The following B4GALNT3 variants were observed in gnomAD, a reference collection of about 807,000 sequenced individuals.
The protein encoded by B4GALNT3 is beta-1,4-N-acetyl-galactosaminyltransferase 3.
Under a neutral mutation model 120.2 loss-of-function variants are expected in B4GALNT3, and 86 were observed. The observed-to-expected ratio is 0.72, with a 90% confidence interval of 0.60 to 0.86. The LOEUF (loss-of-function observed/expected upper bound fraction) is 0.86. Ranked by LOEUF, B4GALNT3 falls within the 40% of genes least tolerant of loss-of-function variation. B4GALNT3 has a pLI of 0.00. For missense variants in B4GALNT3, 1,167 were observed against 1,298.9 expected (o/e 0.90, Z 1.56); for synonymous variants, 518 against 510.4 (o/e 1.01, Z -0.20).
chr12:460,963 T>C lies in B4GALNT3; in HGVS notation c.169+418T>C, dbSNP rs945887481. 6.6e-6 allele frequency among the ~76,000 whole-genome samples: 1 copy of C among 152,112 alleles called. No homozygotes were observed. Among genetic ancestry groups the C allele is most frequent in the Admixed American group, 6.5e-5 (1 of 15,286 alleles). ...TTCGGGTGCGGGATGCCCTCGGCCGTCCACACCCAGGCGCGCGCTCCAGTC... is the reference window on the plus strand; with the variant it reads ...TTCGGGTGCGGGATGCCCTCGGCCGCCCACACCCAGGCGCGCGCTCCAGTC... On this transcript the variant is annotated intron_variant, in intron 1 of 19. Coordinates refer to ENST00000266383, the MANE Select transcript of B4GALNT3 (RefSeq NM_173593.4). This position sits in a 1 kb window ranked among gnomAD's most constrained non-coding sequence, Gnocchi z 8.0.
chr12:478,578 T>C (rs1173495748), intron 1 of B4GALNT3, among the ~76,000 whole-genome samples: 1 of 152,212 alleles, frequency 6.6e-6, no homozygotes, highest in Non-Finnish European at 1.5e-5. Context: ...TTCTGGGATA[T>C]AGAAATTGGT....
chr12:501,881 C>T (rs190619258), intron 1 of B4GALNT3, among the ~76,000 whole-genome samples: 5 of 152,314 alleles, frequency 3.3e-5, no homozygotes, highest in Admixed American at 1.3e-4. Context: ...CACACAGAAC[C>T]GGTGCAGGCG....
In B4GALNT3 at chr12:559,337, A is replaced by G. The variant is rs1316130043; in HGVS notation, c.2804A>G (p.Lys935Arg). Reference sequence around the variant, plus strand: ...GGGTTCGGGCTGCTTGGCATCTACAAGTCTGACCTGGACAGGATTGGGGGC... The same window carrying G: ...GGGTTCGGGCTGCTTGGCATCTACAGGTCTGACCTGGACAGGATTGGGGGC... Reference protein sequence around the residue: ...VNGFGLLGIYKSDLDRIGGMN... With the variant: ...VNGFGLLGIYRSDLDRIGGMN... The change falls in exon 19 of 20, where the codon AAG becomes AGG. Residue 935 changes from lysine to arginine, a missense_variant. By Grantham distance (26) the Lys-to-Arg change is conservative. Around this residue, in one of 3 missense-constraint regions of B4GALNT3, gnomAD observed 983 missense variants for 1,102.5 expected, o/e 0.89. Transcript: ENST00000266383. 1.2e-6 allele frequency: 2 copies of G among 1,614,006 alleles called. No homozygotes were observed. The highest frequency in any genetic ancestry group is 1.1e-5 in the South Asian group (1 of 91,074).
Position 515,965 on chromosome 12 carries a change from A to G in B4GALNT3, c.170-19201A>G, listed in dbSNP as rs12309199. On this transcript the variant is annotated intron_variant, in intron 1 of 19. Transcript: ENST00000266383. ...ATCCTGGCTAACGTGGTGAAACCCC[A>G]TCTCTACTAAAAACACACACACACA... 1.9e-3 allele frequency among the ~76,000 whole-genome samples: 288 copies of G among 148,238 alleles called. 2 individuals carry two copies. Among genetic ancestry groups the G allele is most frequent in the African/African-American group, 6.6e-3 (266 of 40,092 alleles).
intron 1 of B4GALNT3, among the ~76,000 whole-genome samples, chr12:489,415 A>G (rs1055701520): frequency 2.0e-5 from 3 of 152,162 alleles, no homozygotes; most frequent in Non-Finnish European, 4.4e-5. Context: ...GACAATAGTA[A>G]TAAATATGAT....
chr12:535,321 C>T (rs1266298027), intron 2 of B4GALNT3, 52 bp downstream of exon 2: 2 of 1,510,678 alleles, frequency 1.3e-6, no homozygotes, highest in Non-Finnish European at 1.8e-6. Context: ...CAAAGGTCCG[C>T]AGGTGCTCTG....
intron 14 of B4GALNT3, chr12:555,236 C>G: frequency 2.5e-6 from 1 of 395,990 alleles, no homozygotes; most frequent in South Asian, 1.8e-5. Context: ...TGGTTACTTC[C>G]CATTCCTCCT....
intron 1 of B4GALNT3, among the ~76,000 whole-genome samples, chr12:523,733 G>T (rs1263179630): frequency 1.3e-5 from 2 of 152,198 alleles, no homozygotes; most frequent in African/African-American, 2.4e-5. Context: ...ATAAAAATAA[G>T]AATAAACTAA....
At chr12:484,462 C>T (rs1946271652) in intron 1 of B4GALNT3, among the ~76,000 whole-genome samples, 1 of 152,140 alleles carries the variant, frequency 6.6e-6, no homozygotes, top group African/African-American at 2.4e-5. Flanking sequence ...ACTGGAGTAC[C>T]TGAGGAGCTT....
At chr12:559,005 T>C (rs1478250510) in intron 18 of B4GALNT3, among the ~76,000 whole-genome samples, 1 of 151,936 alleles carries the variant, frequency 6.6e-6, no homozygotes, top group Non-Finnish European at 1.5e-5. Flanking sequence ...GAAACGGACA[T>C]GTAAACTGAC....
chr12:557,180 C>T lies in B4GALNT3; in HGVS notation c.2380+314C>T, dbSNP rs116133802. The stretch of plus-strand genomic sequence containing the variant: ...TGGTCTGGGGAAGTAAGACGGGCAG[C>T]GTACTTAATGAAGTGATGAGCAGGG... On this transcript the variant is annotated intron_variant, in intron 15 of 19. Transcript: ENST00000266383. Among the ~76,000 whole-genome samples, 10 of 152,098 alleles carry T rather than the reference C, an allele frequency of 6.6e-5. No homozygotes were observed. The East Asian group carries it at 1.2e-3, about 18-fold the overall frequency.
intron 1 of B4GALNT3, among the ~76,000 whole-genome samples, chr12:511,317 T>C (rs1242185637): frequency 1.1e-4 from 4 of 35,552 alleles, no homozygotes; most frequent in African/African-American, 9.7e-4. Context: ...ACCTTCCGCC[T>C]TCTGCCTTCC....
Position 550,097 on chromosome 12 carries a change from C to T in B4GALNT3, c.997+185C>T, listed in dbSNP as rs140813947. On this transcript the variant is annotated intron_variant, in intron 10 of 19. Coordinates refer to ENST00000266383, the MANE Select transcript of B4GALNT3 (RefSeq NM_173593.4). The surrounding 1 kb of genome is among the most constrained non-coding windows in gnomAD (Gnocchi z 4.1). ...CATGTAAATAAGTATAAAATATTTACGTGTAATTTTACAATTCTGCATATC... is the reference window on the plus strand; with the variant it reads ...CATGTAAATAAGTATAAAATATTTATGTGTAATTTTACAATTCTGCATATC... Among the ~76,000 whole-genome samples the T allele has an allele frequency of 1.3e-5, 2 of 152,320 alleles. No individual in the cohort carries two copies. The highest frequency in any genetic ancestry group is 2.4e-5 in the African/African-American group (1 of 41,544).
At chr12:499,380 G>A (rs868064123) in intron 1 of B4GALNT3, among the ~76,000 whole-genome samples, 20 of 151,012 alleles carry the variant, frequency 1.3e-4, no homozygotes, top group African/African-American at 4.4e-4. Context: ...CGTGGAGCCC[G>A]TGCTCTCACT....
At chr12:501,711 A>G (rs1946446548) in intron 1 of B4GALNT3, among the ~76,000 whole-genome samples, 1 of 152,112 alleles carries the variant, frequency 6.6e-6, no homozygotes. Context: ...ATTGTTAAAT[A>G]CAGATGCCCC....
intron 1 of B4GALNT3, among the ~76,000 whole-genome samples, chr12:505,743 G>A (rs949707162): frequency 2.0e-5 from 3 of 152,192 alleles, no homozygotes; most frequent in Admixed American, 2.0e-4. Context: ...ATTGCTGTCT[G>A]CAGAGAGATA....
chr12:503,346 C>G (rs1428698136), intron 1 of B4GALNT3, among the ~76,000 whole-genome samples: 1 of 152,186 alleles, frequency 6.6e-6, no homozygotes, highest in East Asian at 1.9e-4. Flanking sequence ...ATGGCTGCCA[C>G]TCACACAGCC....
intron 1 of B4GALNT3, among the ~76,000 whole-genome samples, chr12:477,976 A>G (rs931145428): frequency 2.0e-5 from 3 of 152,200 alleles, no homozygotes; most frequent in African/African-American, 7.2e-5. Context: ...AGGGGGCACA[A>G]TGGTTCAGAA....
chr12:490,234 A>G (rs1263495356), intron 1 of B4GALNT3, among the ~76,000 whole-genome samples: 2 of 152,194 alleles, frequency 1.3e-5, no homozygotes, highest in African/African-American at 4.8e-5. Context: ...AACAGAAGAA[A>G]TAATGAAAAT....
Sources: allele counts gnomAD v4.1 joint callset (sites outside exome capture counted in the v4.1 genomes callset), GRCh38; gene constraint gnomAD v4.1.1; regional missense constraint gnomAD v4.1.1; non-coding constraint Gnocchi (gnomAD v3.1); transcripts MANE v1.5; gene names NCBI Gene and HGNC (gene_info 2026-07-23, HGNC 2026-07-21).